Variants in SNX29 observed in about 807,000 individuals in gnomAD.
SNX29 encodes the protein sorting nexin-29.
Under a neutral mutation model 102.1 loss-of-function variants are expected in SNX29, and 78 were observed. The observed-to-expected ratio is 0.76, with a 90% CI of 0.64 to 0.92. SNX29 has a LOEUF of 0.92. SNX29 is among the 40% of genes least tolerant of loss of function. The pLI, the probability that SNX29 is intolerant of heterozygous loss-of-function variation, is 0.00. For synonymous variants in SNX29, 580 were observed against 414.5 expected, an observed-to-expected ratio of 1.40 and a Z score of -4.85; for missense variants, 1,280 against 1,061.7, an observed-to-expected ratio of 1.21 and a Z score of -2.86.
At position 12,571,885 on chromosome 16, in the gene SNX29, G is replaced by A; in HGVS notation, c.*3256G>A. On this transcript the variant is annotated 3_prime_UTR_variant, in exon 21 of 21. Coordinates refer to ENST00000566228, the MANE Select transcript of SNX29 (RefSeq NM_032167.5). ...AAGGCATTTTAGAGTTTGGAGCTGA[G>A]GTTCAAAGCCCCCTGCATTTCTCTA... The A allele has an allele frequency of 2.8e-6, 3 of 1,061,822 alleles. No individual in the cohort carries two copies. Among genetic ancestry groups the A allele is most frequent in the Non-Finnish European group, 1.1e-6 (1 of 877,094 alleles). The allele number at this position is 1,061,822 out of a possible 1,614,324, so 65.8% of individuals were successfully genotyped here. A position where few individuals can be genotyped will look rare whatever the true frequency, so the allele number is the denominator to read the frequency against.
At chr16:12,539,912 T>G (rs2077249077) in intron 20 of SNX29, among the ~76,000 whole-genome samples, 1 of 152,346 alleles carries the variant, frequency 6.6e-6, no homozygotes, top group Non-Finnish European at 1.5e-5. Context: ...AGATTTGAGT[T>G]TTGGGAGTTC....
At chr16:12,281,350 C>G (rs756237790) in intron 15 of SNX29, among the ~76,000 whole-genome samples, 1 of 151,556 alleles carries the variant, frequency 6.6e-6, no homozygotes, top group African/African-American at 2.4e-5. Context: ...TCTGCACATA[C>G]ACACTACACA....
intron 19 of SNX29, among the ~76,000 whole-genome samples, chr16:12,506,327 T>A (rs1265181775): frequency 6.6e-6 from 1 of 152,218 alleles, no homozygotes; most frequent in African/African-American, 2.4e-5. Context: ...AAAGCTGGGC[T>A]TGAATCCTGC....
intron 18 of SNX29, among the ~76,000 whole-genome samples, chr16:12,415,424 A>G (rs865822760): frequency 1.4e-4 from 22 of 152,238 alleles, no homozygotes; most frequent in Non-Finnish European, 2.6e-4. Flanking sequence ...ATGTATTTGG[A>G]TGAGGCCTTG....
At chr16:12,550,377 A>T (rs1329991005) in intron 20 of SNX29, among the ~76,000 whole-genome samples, 1 of 152,126 alleles carries the variant, frequency 6.6e-6, no homozygotes, top group Non-Finnish European at 1.5e-5. Flanking sequence ...TCTACTAAAA[A>T]TCCAAAAATT....
intron 8 of SNX29, 115 bp from the exon 9 acceptor site, chr16:12,061,413 C>T (rs1596735959): frequency 1.3e-6 from 1 of 790,652 alleles, no homozygotes; most frequent in East Asian, 2.7e-5. Context: ...TCCTTCTGTT[C>T]TCAGCCCTGC....
chr16:12,160,058 T>C (rs1227679543), intron 13 of SNX29, among the ~76,000 whole-genome samples: 1 of 152,206 alleles, frequency 6.6e-6, no homozygotes, highest in Non-Finnish European at 1.5e-5. Flanking sequence ...CTCTAACAAA[T>C]GGTTCTAGGG....
At chr16:12,542,623 C>G (rs552257217) in intron 20 of SNX29, among the ~76,000 whole-genome samples, 3 of 152,246 alleles carry the variant, frequency 2.0e-5, no homozygotes, top group African/African-American at 7.2e-5. Flanking sequence ...TGAGCCACGG[C>G]ACCCAGTGTG....
chr16:12,527,361 A>G, intron 20 of SNX29: 1 of 506,406 alleles, frequency 2.0e-6, no homozygotes, highest in Middle Eastern at 3.3e-4. Flanking sequence ...GGTTAAAAAA[A>G]AATAAAAAAT....
Position 12,573,271 on chromosome 16 carries a change from C to G in SNX29, c.*4642C>G, listed in dbSNP as rs2079225503. 1 of 227,654 alleles carries G rather than the reference C, an allele frequency of 4.4e-6. No individual in the cohort carries two copies. Among genetic ancestry groups the G allele is most frequent in the Non-Finnish European group, 8.7e-6 (1 of 114,714 alleles). The allele number at this position is 227,654 out of a possible 1,614,324, so 14.1% of individuals were successfully genotyped here. A position where few individuals can be genotyped will look rare whatever the true frequency, so the allele number is the denominator to read the frequency against. On this transcript the variant is annotated 3_prime_UTR_variant, in exon 21 of 21. Transcript: ENST00000566228. ...CCTCGATCAGTCATCTCTGGTATTCCTCACTCTAGCCATGAGCCATTGCCA... is the reference window on the plus strand; with the variant it reads ...CCTCGATCAGTCATCTCTGGTATTCGTCACTCTAGCCATGAGCCATTGCCA...
intron 14 of SNX29, among the ~76,000 whole-genome samples, chr16:12,204,731 C>A (rs532679680): frequency 3.9e-5 from 6 of 152,354 alleles, no homozygotes; most frequent in African/African-American, 1.4e-4. Context: ...ATTGGGAAGT[C>A]ATCAGCCTGT....
intron 19 of SNX29, among the ~76,000 whole-genome samples, chr16:12,515,340 A>G (rs2089816545): frequency 6.6e-6 from 1 of 152,210 alleles, no homozygotes; most frequent in Non-Finnish European, 1.5e-5. Flanking sequence ...CCTGGCTCAC[A>G]GTAGGCCCCC....
chr16:11,992,732 G>A (rs1304026758), intron 1 of SNX29, among the ~76,000 whole-genome samples: 1 of 152,184 alleles, frequency 6.6e-6, no homozygotes, highest in Non-Finnish European at 1.5e-5. Flanking sequence ...CACACAGTGG[G>A]CACTCAAAGA....
At chr16:12,247,115 C>T (rs542122144) in intron 14 of SNX29, among the ~76,000 whole-genome samples, 1 of 152,048 alleles carries the variant, frequency 6.6e-6, no homozygotes, top group Admixed American at 6.6e-5. Flanking sequence ...TGGTATCAGC[C>T]CTGCATTTTA....
chr16:12,386,601 A>G (rs955708346), intron 16 of SNX29, among the ~76,000 whole-genome samples: 2 of 152,228 alleles, frequency 1.3e-5, no homozygotes, highest in Non-Finnish European at 2.9e-5. Flanking sequence ...TCTTGGTAAG[A>G]TGCCATTCCA....
chr16:12,196,654 C>T (rs962490336), intron 13 of SNX29, among the ~76,000 whole-genome samples: 1 of 140,510 alleles, frequency 7.1e-6, no homozygotes, highest in East Asian at 2.1e-4. Flanking sequence ...CGGAGTCTCA[C>T]TCTGTTGCGA....
At chr16:12,023,634 C>G (rs2057098079) in intron 3 of SNX29, among the ~76,000 whole-genome samples, 1 of 151,774 alleles carries the variant, frequency 6.6e-6, no homozygotes, top group Non-Finnish European at 1.5e-5. Context: ...AAAGCTAGTG[C>G]TCCTTTCATT....
intron 3 of SNX29, among the ~76,000 whole-genome samples, chr16:12,004,756 A>T (rs1056056610): frequency 6.6e-6 from 1 of 152,212 alleles, no homozygotes; most frequent in African/African-American, 2.4e-5. Flanking sequence ...GAATAGAGCC[A>T]CGTGGATGAT....
At position 12,255,206 on chromosome 16, in the gene SNX29, A is replaced by G. The variant is rs118065112; in HGVS notation, c.1679-22727A>G. 9.6e-3 allele frequency among the ~76,000 whole-genome samples: 1,452 copies of G among 151,856 alleles called. 11 individuals are homozygous for G. Among genetic ancestry groups the G allele is most frequent in the South Asian group, 0.019 (92 of 4,796 alleles). On this transcript the variant is annotated intron_variant, in intron 14 of 20. Transcript: ENST00000566228. The stretch of plus-strand genomic sequence containing the variant: ...CAAGGAAACAATCCTGTATTTTTTT[A>G]TTTTTTTGAGACTGAGTCTTGGTGC...
Sources: allele counts gnomAD v4.1 joint callset (sites outside exome capture counted in the v4.1 genomes callset), GRCh38; gene constraint gnomAD v4.1.1; transcripts MANE v1.5; gene names NCBI Gene and HGNC (gene_info 2026-07-23, HGNC 2026-07-21).